The following FHIP2A variants were observed in gnomAD, a reference collection of about 807,000 sequenced individuals.
FHIP2A encodes the protein family with sequence similarity 160 member B1.
FHIP2A carries 46 observed loss-of-function variants against 93.5 expected under a neutral mutation model. The ratio of observed to expected loss-of-function variants is 0.49; its 90% CI spans 0.39 to 0.63. The LOEUF (loss-of-function observed/expected upper bound fraction) is 0.63. Ranked by LOEUF, FHIP2A falls within the 20% of genes least tolerant of loss-of-function variation. FHIP2A has a pLI of 0.00. For synonymous variants in FHIP2A, 332 were observed against 326.5 expected, an observed-to-expected ratio of 1.02 and a Z score of -0.18; for missense variants, 769 against 909.7, an observed-to-expected ratio of 0.85 and a Z score of 1.99.
Position 114,863,580 on chromosome 10 carries a change from C to T in FHIP2A, c.*2040C>T, listed in dbSNP as rs1225322475. ...TGTAATGACTTTAATTTGTAATCAG[C>T]TAAGGCTTAAGATTTCATTTGTTTC... On this transcript the variant is annotated 3_prime_UTR_variant, in exon 17 of 17. Transcript: ENST00000369248. 8.0e-7 allele frequency: 1 copy of T among 1,249,380 alleles called. No homozygotes were observed. The highest frequency in any genetic ancestry group is 1.6e-5 in the African/African-American group (1 of 63,158). 77.4% of individuals were successfully genotyped at this position (1,249,380 alleles called of 1,614,324 possible). A position where few individuals can be genotyped will look rare whatever the true frequency, so the allele number is the denominator to read the frequency against.
At chr10:114,850,550 ATT>A (rs2083728573) in intron 13 of FHIP2A, among the ~76,000 whole-genome samples, 1 of 151,832 alleles carries the variant, frequency 6.6e-6, no homozygotes, top group Admixed American at 6.6e-5. Context: ...TTTTAAAAAA[ATT>A]ATCCGTGTGT....
Position 114,862,186 on chromosome 10 carries a change from C to A in FHIP2A, c.*646C>A. On this transcript the variant is annotated 3_prime_UTR_variant, in exon 17 of 17. Coordinates refer to ENST00000369248, the MANE Select transcript of FHIP2A (RefSeq NM_020940.4). ...ATATCTATATTTTTAAAGAAATGTT[C>A]TTTTACTCTTTTGTGCACATAGCCA... 2 of 943,242 alleles carry A rather than the reference C, an allele frequency of 2.1e-6. No homozygotes were observed. The highest frequency in any genetic ancestry group is 2.5e-6 in the Non-Finnish European group (2 of 791,420). The allele number at this position is 943,242 out of a possible 1,614,324, so 58.4% of individuals were successfully genotyped here.
intron 16 of FHIP2A, among the ~76,000 whole-genome samples, chr10:114,876,882 C>T (rs2083892194): frequency 6.6e-6 from 1 of 152,164 alleles, no homozygotes; most frequent in Non-Finnish European, 1.5e-5. Context: ...AAATGTTTTG[C>T]TATGAATTTA....
chr10:114,845,059 C>T (rs967614426), intron 7 of FHIP2A, among the ~76,000 whole-genome samples: 2 of 151,788 alleles, frequency 1.3e-5, no homozygotes, highest in Admixed American at 6.6e-5. Flanking sequence ...CACCCACGCA[C>T]GTTGGCCTCC....
Position 114,833,323 on chromosome 10 carries a change from C to A in FHIP2A, c.215C>A (p.Ser72Tyr). ...ILVQEENERESGETGPCMEYL... is the reference protein window; with the variant it reads ...ILVQEENEREYGETGPCMEYL... The stretch of plus-strand genomic sequence containing the variant: ...GTTCAAGAAGAAAATGAACGGGAAT[C>A]TGGAGAGACAGGGCCATGTATGGAA... Residue 72 changes from serine (S) to tyrosine (Y), a missense_variant, in exon 3 of 17, where the codon TCT becomes TAT. By Grantham distance (144) the Ser-to-Tyr change is moderately radical. Coordinates refer to ENST00000369248, the MANE Select transcript of FHIP2A (RefSeq NM_020940.4). 6.2e-7 allele frequency: 1 copy of A among 1,613,816 alleles called. No individual in the cohort carries two copies. The highest frequency in any genetic ancestry group is 8.5e-7 in the Non-Finnish European group (1 of 1,179,796).
At chr10:114,852,328 C>T (rs1270164701) in intron 13 of FHIP2A, among the ~76,000 whole-genome samples, 5 of 152,322 alleles carry the variant, frequency 3.3e-5, no homozygotes, top group Admixed American at 6.5e-5. Flanking sequence ...GCTCTAGCCT[C>T]AGCCACTTAG....
intron 16 of FHIP2A, among the ~76,000 whole-genome samples, chr10:114,880,458 T>C (rs927507643): frequency 6.6e-6 from 1 of 152,258 alleles, no homozygotes; most frequent in East Asian, 1.9e-4. Context: ...GGCAGGCAGA[T>C]CGCATGAGGC....
Position 114,846,573 on chromosome 10 carries a change from A to G in FHIP2A, c.1413A>G (p.Thr471=), listed in dbSNP as rs2083702469. The part of the protein sequence containing the change: ...DHISDEISIM[T]LRMFEHLLQK... ...TTTGGTTTCAGATAAGCATAATGAC[A>G]TTACGAATGTTTGAACATCTTTTAC... The change falls in exon 11 of 17, where the codon ACA becomes ACG. Residue 471 remains threonine, a synonymous_variant. Transcript: ENST00000369248. 1.2e-6 allele frequency: 2 copies of G among 1,600,100 alleles called. No homozygotes were observed. Among genetic ancestry groups the G allele is most frequent in the Non-Finnish European group, 1.7e-6 (2 of 1,176,038 alleles).
chr10:114,846,945 T>G (rs1246373883), intron 11 of FHIP2A, 145 bp from the exon 12 acceptor site: 2 of 827,992 alleles, frequency 2.4e-6, no homozygotes, highest in East Asian at 5.3e-5. Context: ...AGAATGTTAA[T>G]TTGCCTAGAA....
At chr10:114,875,899 AAAT>A (rs1450438206) in intron 16 of FHIP2A, among the ~76,000 whole-genome samples, 2 of 102,778 alleles carry the variant, frequency 1.9e-5, no homozygotes, top group Admixed American at 9.5e-5. Flanking sequence ...AGAGAGAAAG[AAAT>A]AAAGAAAGAG....
At chr10:114,870,339 C>G (rs1446214302) in intron 16 of FHIP2A, among the ~76,000 whole-genome samples, 1 of 152,026 alleles carries the variant, frequency 6.6e-6, no homozygotes, top group African/African-American at 2.4e-5. Context: ...CCTTACATCA[C>G]CATGGAAGCT....
intron 15 of FHIP2A, 104 bp from the exon 16 acceptor site, chr10:114,861,127 C>A (rs1210785234): frequency 6.9e-7 from 1 of 1,439,562 alleles, no homozygotes; most frequent in African/African-American, 1.4e-5. Flanking sequence ...TGAAAGTTTA[C>A]GTTCTTTATT....
intron 13 of FHIP2A, among the ~76,000 whole-genome samples, chr10:114,851,714 CAAAAA>C (rs60649106): frequency 1.6e-4 from 13 of 81,950 alleles, no homozygotes; most frequent in South Asian, 6.0e-4. Context: ...TCCATTTCTG[CAAAAA>C]AAAAAAAAAA....
intron 11 of FHIP2A, 52 bp from the exon 12 acceptor site, chr10:114,847,038 G>A: frequency 6.8e-7 from 1 of 1,478,498 alleles, no homozygotes; most frequent in Non-Finnish European, 9.2e-7. Flanking sequence ...TTTTGGTTTA[G>A]AAAATGTCAT....
rs201699930 is a variant in FHIP2A at position 114,846,404 on chromosome 10, C to A, written c.1398+37C>A. The A allele has an allele frequency of 6.2e-5, 96 of 1,537,864 alleles. No individual in the cohort carries two copies. In the African/African-American group the frequency reaches 1.2e-3, roughly 20 times the overall value. ...AATGATTTAGAATTGGACTTAGATT[C>A]TTTGAAATACGGTTTTAATGTATTA... On this transcript the variant is annotated intron_variant, in intron 10 of 16. Transcript: ENST00000369248.
At chr10:114,829,257 G>A (rs1025579868) in intron 1 of FHIP2A, among the ~76,000 whole-genome samples, 3 of 151,296 alleles carry the variant, frequency 2.0e-5, no homozygotes, top group African/African-American at 7.4e-5. Context: ...AACTTTCTGG[G>A]GAAAGGGGTG....
chr10:114,837,812 A>G (rs892018800), intron 5 of FHIP2A, among the ~76,000 whole-genome samples: 6 of 152,228 alleles, frequency 3.9e-5, no homozygotes, highest in African/African-American at 1.4e-4. Flanking sequence ...TGGCTTTTAA[A>G]ATTAGCTTAT....
intron 16 of FHIP2A, among the ~76,000 whole-genome samples, chr10:114,870,237 AAG>A (rs1397671450): frequency 6.6e-6 from 1 of 152,176 alleles, no homozygotes; most frequent in Non-Finnish European, 1.5e-5. Flanking sequence ...TAGGTTAAGA[AAG>A]ATGTTGGATA....
chr10:114,882,497 G>A (rs1363113221), intron 16 of FHIP2A, among the ~76,000 whole-genome samples: 3 of 152,332 alleles, frequency 2.0e-5, no homozygotes, highest in African/African-American at 7.2e-5. Flanking sequence ...GCTAGGCAGT[G>A]TTTGAAAGGC....
Sources: gnomAD v4.1 joint callset for allele counts (sites outside exome capture counted in the v4.1 genomes callset) on GRCh38, gnomAD v4.1.1 for gene constraint, MANE v1.5 for transcripts, NCBI Gene and HGNC (gene_info 2026-07-23, HGNC 2026-07-21) for gene names.